The following JPH2 variants were observed in gnomAD, a reference collection of about 807,000 sequenced individuals.
JPH2 encodes the protein junctophilin 2, also known as junctophilin-2.
In JPH2, 38 loss-of-function variants were observed where a neutral mutation model predicts 55.9. That is an observed-to-expected ratio of 0.68 (90% CI 0.52 to 0.89). The LOEUF is 0.89. JPH2 is among the 40% of genes least tolerant of loss of function. The pLI, the probability that JPH2 is intolerant of heterozygous loss-of-function variation, is 0.00. For synonymous variants in JPH2, 480 were observed against 472.4 expected (o/e 1.02, Z -0.21); for missense variants, 964 against 1,037.6 (o/e 0.93, Z 0.97).
In JPH2 at chr20:44,134,607, ATAAATATAATAAATATATATTTATT is replaced by A; in HGVS notation, c.1170-16009_1170-15985del. Among the ~76,000 whole-genome samples, 12 of 3,076 alleles carry A rather than the reference ATAAATATAATAAATATATATTTATT, an allele frequency of 3.9e-3. 1 individual carries two copies. The highest frequency in any genetic ancestry group is 0.018 in the African/African-American group (12 of 674). 2.0% of individuals were successfully genotyped at this position (3,076 alleles called of 152,430 possible). On this transcript the variant is annotated intron_variant, in intron 2 of 5. Transcript: ENST00000372980. ...AAATATATATAAATATATATTTATTATAAATATAATAAATATATATTTATTATAAATATATAAATATTTATTATAA... is the reference window on the plus strand; with the variant it reads ...AAATATATATAAATATATATTTATTAATAAATATATAAATATTTATTATAA...
At chr20:44,130,968 A>G (rs2072313825) in intron 2 of JPH2, among the ~76,000 whole-genome samples, 1 of 152,160 alleles carries the variant, frequency 6.6e-6, no homozygotes, top group South Asian at 2.1e-4. Flanking sequence ...TGAATCCCTG[A>G]CTTACTAGCT....
chr20:44,123,825 G>A (rs930267891), intron 2 of JPH2, among the ~76,000 whole-genome samples: 3 of 152,186 alleles, frequency 2.0e-5, no homozygotes, highest in East Asian at 1.9e-4. Context: ...CACGTGTTCG[G>A]CGGAGAGAAA....
intron 2 of JPH2, among the ~76,000 whole-genome samples, chr20:44,137,677 C>G (rs73289252): frequency 1.8e-4 from 27 of 152,214 alleles, no homozygotes; most frequent in Non-Finnish European, 2.6e-4. Flanking sequence ...TTCCAGAGAT[C>G]GGATTCGGCC....
intron 1 of JPH2, among the ~76,000 whole-genome samples, chr20:44,174,689 G>A (rs572267958): frequency 4.0e-4 from 61 of 152,152 alleles, no homozygotes; most frequent in African/African-American, 1.4e-3. Context: ...CAGGAGAATC[G>A]CTTGAACCCA....
intron 2 of JPH2, among the ~76,000 whole-genome samples, chr20:44,124,745 T>A (rs1454254246): frequency 6.6e-6 from 1 of 151,772 alleles, no homozygotes; most frequent in African/African-American, 2.4e-5. Context: ...AGTGGTAGGC[T>A]AAACCCAGCC....
chr20:44,146,749 C>T (rs1364728756), intron 2 of JPH2, among the ~76,000 whole-genome samples: 26 of 152,128 alleles, frequency 1.7e-4, no homozygotes, highest in Non-Finnish European at 5.9e-5. Context: ...ACTGGGTTCA[C>T]GGAACACCAG....
Position 44,116,382 on chromosome 20 carries a change from C to T in JPH2, c.1293G>A (p.Pro431=), listed in dbSNP as rs2072193158. The T allele has an allele frequency of 3.2e-6, 5 of 1,547,582 alleles. No homozygotes were observed. The highest frequency in any genetic ancestry group is 3.5e-6 in the Non-Finnish European group (4 of 1,146,666). The part of the protein sequence containing the change: ...ELAPDFYQPG[P]EYQKRRLLQE... The stretch of plus-strand genomic sequence containing the variant: ...GCAGCAGCCGGCGCTTCTGATATTC[C>T]GGACCTGCCAGGGCAACACAGGGAG... Residue 431 remains proline, a synonymous_variant, in exon 4 of 6, where the codon CCG becomes CCA. Coordinates refer to ENST00000372980, the MANE Select transcript of JPH2 (RefSeq NM_020433.5).
intron 1 of JPH2, among the ~76,000 whole-genome samples, chr20:44,179,584 C>T (rs765808507): frequency 2.2e-4 from 33 of 152,094 alleles, no homozygotes; most frequent in Non-Finnish European, 3.5e-4. Flanking sequence ...TCTCGTAGGA[C>T]CCAGCACTCA....
In JPH2 at chr20:44,147,706, C is replaced by T. The variant is rs184932380; in HGVS notation, c.1169+11912G>A. On this transcript the variant is annotated intron_variant, in intron 2 of 5. Transcript: ENST00000372980. ...GTGTAAGATCTTCCTTGGATTTTAA[C>T]GACAGATATGTTGTTTAGAACAATG... Among the ~76,000 whole-genome samples the T allele has an allele frequency of 5.9e-5, 9 of 152,196 alleles. No homozygotes were observed. The East Asian group carries it at 7.7e-4, about 13-fold the overall frequency.
In JPH2 at chr20:44,112,644, C is replaced by G. The variant is rs1054706914; in HGVS notation, c.*874G>C. 1 of 152,336 alleles carries G rather than the reference C, an allele frequency of 6.6e-6. No individual in the cohort carries two copies. Among genetic ancestry groups the G allele is most frequent in the African/African-American group, 2.4e-5 (1 of 41,430 alleles). 9.4% of individuals were successfully genotyped at this position (152,336 alleles called of 1,614,324 possible). ...GGAGACAAGCCATTTCACAGGGCAT[C>G]ACAGGAGATTTCTCGCCGGCCCCAG... On this transcript the variant is annotated 3_prime_UTR_variant, in exon 6 of 6. Transcript: ENST00000372980.
chr20:44,174,721 C>A (rs6130555), intron 1 of JPH2, among the ~76,000 whole-genome samples: 54,216 of 151,986 alleles, frequency 0.36, 10,444 homozygotes, highest in Admixed American at 0.52. Flanking sequence ...TTGCAGTAAG[C>A]CAGGTGTGGT....
intron 2 of JPH2, among the ~76,000 whole-genome samples, chr20:44,136,548 A>G (rs1234916733): frequency 6.6e-6 from 1 of 152,162 alleles, no homozygotes; most frequent in Non-Finnish European, 1.5e-5. Flanking sequence ...TTCTCACAAT[A>G]TTCTCTAAAG....
At chr20:44,184,299 T>G (rs573555334) in intron 1 of JPH2, among the ~76,000 whole-genome samples, 2 of 151,904 alleles carry the variant, frequency 1.3e-5, no homozygotes, top group South Asian at 4.1e-4. Flanking sequence ...TCTTCTTCTT[T>G]TTTTCCATCA....
At chr20:44,114,747 G>GCC in intron 5 of JPH2, 35 bp downstream of exon 5, 1 of 1,499,458 alleles carries the variant, frequency 6.7e-7, no homozygotes, top group Non-Finnish European at 9.1e-7. Flanking sequence ...AGGGGCTCCT[G>GCC]CCCCCCAACC....
intron 2 of JPH2, among the ~76,000 whole-genome samples, chr20:44,146,858 T>C (rs147093736): frequency 6.6e-6 from 1 of 152,346 alleles, no homozygotes; most frequent in Non-Finnish European, 1.5e-5. Flanking sequence ...TCATGTACAC[T>C]GTTGTGGGGG....
intron 1 of JPH2, among the ~76,000 whole-genome samples, chr20:44,168,912 C>G (rs1344236967): frequency 6.6e-6 from 1 of 152,154 alleles, no homozygotes; most frequent in African/African-American, 2.4e-5. Context: ...TAATGCCCTC[C>G]CTTGGGGGTG....
At chr20:44,132,355 G>GACAGAC (rs1555855272) in intron 2 of JPH2, among the ~76,000 whole-genome samples, 3 of 101,294 alleles carry the variant, frequency 3.0e-5, no homozygotes, top group East Asian at 6.7e-4. Flanking sequence ...CAGACAGACA[G>GACAGAC]ACACACACAC....
chr20:44,156,213 T>C (rs1348312598), intron 2 of JPH2, among the ~76,000 whole-genome samples: 2 of 151,938 alleles, frequency 1.3e-5, no homozygotes, highest in African/African-American at 4.8e-5. Context: ...AAGTCTGGAG[T>C]TCAGTGAAGA....
chr20:44,159,888 C>T lies in JPH2; in HGVS notation c.899G>A (p.Arg300His), dbSNP rs2072594403. 1.2e-6 allele frequency: 2 copies of T among 1,613,284 alleles called. No homozygotes were observed. Among genetic ancestry groups the T allele is most frequent in the Non-Finnish European group, 1.7e-6 (2 of 1,179,812 alleles). Reference protein sequence around the residue: ...TYMGEWKNDKRSGFGVSERSS... With the variant: ...TYMGEWKNDKHSGFGVSERSS... Reference sequence around the variant, plus strand: ...GCGTTCGCTCACGCCGAAGCCCGAGCGTTTGTCGTTCTTCCACTCGCCCAT... The same window carrying T: ...GCGTTCGCTCACGCCGAAGCCCGAGTGTTTGTCGTTCTTCCACTCGCCCAT... The change falls in exon 2 of 6, where the codon CGC becomes CAC. Residue 300 changes from arginine to histidine, a missense_variant. Physicochemically the swap from Arg to His is conservative, Grantham distance 29. Transcript: ENST00000372980. The surrounding 1 kb of genome is among the most constrained non-coding windows in gnomAD (Gnocchi z 5.7).
Sources: allele counts gnomAD v4.1 joint callset (sites outside exome capture counted in the v4.1 genomes callset), GRCh38; gene constraint gnomAD v4.1.1; non-coding constraint Gnocchi (gnomAD v3.1); transcripts MANE v1.5; gene names NCBI Gene and HGNC (gene_info 2026-07-23, HGNC 2026-07-21).